C13orf42: variants seen among roughly 807,000 people sequenced by gnomAD.
C13orf42 encodes the protein chromosome 13 open reading frame 42, also known as uncharacterized protein C13orf42.
intron 1 of C13orf42, among the ~76,000 whole-genome samples, chr13:51,139,059 G>A (rs1387897534): frequency 1.3e-5 from 2 of 152,164 alleles, no homozygotes; most frequent in Admixed American, 6.5e-5. Flanking sequence ...GTTCACACCT[G>A]TAATCCTGAC....
chr13:51,146,856 T>C (rs1953739825), intron 1 of C13orf42, among the ~76,000 whole-genome samples: 1 of 152,186 alleles, frequency 6.6e-6, no homozygotes, highest in Admixed American at 6.5e-5. Flanking sequence ...CTGAGACTTA[T>C]TTTCCTTTCA....
chr13:51,171,642 G>C (rs147201293), intron 1 of C13orf42, among the ~76,000 whole-genome samples: 280 of 150,904 alleles, frequency 1.9e-3, no homozygotes, highest in South Asian at 3.6e-3. Context: ...ACACCTGGTC[G>C]GGCTTACAGT....
In C13orf42 at chr13:51,104,650, C is replaced by T. The variant is rs187371751; in HGVS notation, c.414+6146G>A. 5.1e-4 allele frequency among the ~76,000 whole-genome samples: 77 copies of T among 151,770 alleles called. 1 individual carries two copies. The highest frequency in any genetic ancestry group is 7.0e-4 in the African/African-American group (29 of 41,360). On this transcript the variant is annotated intron_variant, in intron 1 of 3. Coordinates refer to ENST00000563710, the MANE Select transcript of C13orf42 (RefSeq NM_001351589.3). ...ACCACACTAAAATAAAGCTTAAATT[C>T]GTAATGAAAATGTTTCCAAATTAGA...
intron 1 of C13orf42, among the ~76,000 whole-genome samples, chr13:51,164,361 C>T (rs1038596729): frequency 6.6e-6 from 1 of 152,086 alleles, no homozygotes; most frequent in African/African-American, 2.4e-5. Context: ...AATAATGCAC[C>T]ATTAAAAACA....
chr13:51,142,335 C>T (rs1246884046), intron 1 of C13orf42, among the ~76,000 whole-genome samples: 2 of 152,130 alleles, frequency 1.3e-5, no homozygotes, highest in East Asian at 3.8e-4. Flanking sequence ...AAAGATGAAG[C>T]CAATTAGGTG....
intron 1 of C13orf42, among the ~76,000 whole-genome samples, chr13:51,131,383 G>T (rs1953615166): frequency 6.6e-6 from 1 of 152,166 alleles, no homozygotes; most frequent in African/African-American, 2.4e-5. Flanking sequence ...AATTAAACTT[G>T]ACTTATAGAT....
chr13:51,149,895 C>G (rs1953766447), intron 1 of C13orf42, among the ~76,000 whole-genome samples: 1 of 152,120 alleles, frequency 6.6e-6, no homozygotes, highest in Non-Finnish European at 1.5e-5. Flanking sequence ...TAACACTAAC[C>G]CTGTCTTCAA....
intron 3 of C13orf42, 105 bp downstream of exon 3, chr13:51,085,214 T>C: frequency 3.4e-6 from 1 of 297,454 alleles, no homozygotes; most frequent in Non-Finnish European, 6.0e-6. Flanking sequence ...TATATATGAA[T>C]AATATTTGGC....
chr13:51,123,259 A>C (rs1953550397), intron 1 of C13orf42, among the ~76,000 whole-genome samples: 1 of 152,182 alleles, frequency 6.6e-6, no homozygotes, highest in Non-Finnish European at 1.5e-5. Flanking sequence ...TATTACACAG[A>C]TTTCTTTCTC....
intron 1 of C13orf42, among the ~76,000 whole-genome samples, chr13:51,116,911 G>T (rs1223705046): frequency 6.6e-6 from 1 of 152,236 alleles, no homozygotes; most frequent in Admixed American, 6.5e-5. Flanking sequence ...TGGATGCTCA[G>T]GGCATCCAAC....
intron 1 of C13orf42, among the ~76,000 whole-genome samples, chr13:51,132,711 G>C (rs1230991976): frequency 4.6e-5 from 7 of 152,094 alleles, no homozygotes; most frequent in Non-Finnish European, 8.8e-5. Context: ...AATGTCAGAG[G>C]CATCTGGACT....
intron 1 of C13orf42, among the ~76,000 whole-genome samples, chr13:51,096,533 C>T (rs1474405068): frequency 6.6e-6 from 1 of 152,162 alleles, no homozygotes; most frequent in Non-Finnish European, 1.5e-5. Flanking sequence ...TATCTTGGTT[C>T]CATGCAACAT....
chr13:51,111,522 C>T (rs1022696951), upstream of C13orf42, among the ~76,000 whole-genome samples: 33 of 152,180 alleles, frequency 2.2e-4, no homozygotes, highest in Non-Finnish European at 2.5e-4. Context: ...AGTGCTCTCC[C>T]GTGGAAGGCC....
chr13:51,102,186 G>A (rs776909028), intron 1 of C13orf42, among the ~76,000 whole-genome samples: 17 of 152,234 alleles, frequency 1.1e-4, no homozygotes, highest in Admixed American at 6.5e-5. Context: ...CCCAGCCCCC[G>A]CCAGTAACTG....
Position 51,093,454 on chromosome 13 carries a change from G to A in C13orf42, c.415-5379C>T, listed in dbSNP as rs903728446. On this transcript the variant is annotated intron_variant, in intron 1 of 3. Transcript: ENST00000563710. The stretch of plus-strand genomic sequence containing the variant: ...ATTGAGTACTTGCAAAGTGGCTACC[G>A]TGATTGAGGAACTGAACTTTTAATT... 3.9e-5 allele frequency among the ~76,000 whole-genome samples: 6 copies of A among 152,312 alleles called. No individual in the cohort carries two copies. In the East Asian group the frequency reaches 5.8e-4, roughly 15 times the overall value.
intron 1 of C13orf42, among the ~76,000 whole-genome samples, chr13:51,168,401 G>A (rs955174865): frequency 6.6e-6 from 1 of 152,140 alleles, no homozygotes; most frequent in Non-Finnish European, 1.5e-5. Context: ...TCCAAATAAA[G>A]GCTATATTTC....
intron 1 of C13orf42, among the ~76,000 whole-genome samples, chr13:51,140,372 G>A (rs563182082): frequency 6.6e-6 from 1 of 152,322 alleles, no homozygotes; most frequent in South Asian, 2.1e-4. Context: ...TCCTGAGGCT[G>A]TGACACGAGC....
chr13:51,122,926 A>G (rs1479120982), intron 1 of C13orf42, among the ~76,000 whole-genome samples: 1 of 152,156 alleles, frequency 6.6e-6, no homozygotes, highest in Non-Finnish European at 1.5e-5. Context: ...TCAAACCAAG[A>G]GGCGGGGGCA....
chr13:51,090,877 T>TA (rs1368782318), intron 1 of C13orf42, among the ~76,000 whole-genome samples: 3 of 152,112 alleles, frequency 2.0e-5, no homozygotes, highest in Non-Finnish European at 4.4e-5. Context: ...ATTTATAAAC[T>TA]AAAAAAAGAA....
Sources: gnomAD v4.1 joint callset for allele counts (sites outside exome capture counted in the v4.1 genomes callset) on GRCh38, gnomAD v4.1.1 for gene constraint, MANE v1.5 for transcripts, NCBI Gene and HGNC (gene_info 2026-07-23, HGNC 2026-07-21) for gene names.